KHDRBS2: variants seen among roughly 807,000 people sequenced by gnomAD.
The protein encoded by KHDRBS2 is KH RNA binding domain containing, signal transduction associated 2.
A neutral mutation model predicts 44.3 loss-of-function variants in KHDRBS2; 26 were observed. That is an observed-to-expected ratio of 0.59 (90% CI 0.43 to 0.81). The LOEUF is 0.81. Ranked by LOEUF, KHDRBS2 falls within the 40% of genes least tolerant of loss-of-function variation. KHDRBS2 has a pLI of 0.00. For synonymous variants in KHDRBS2, 194 were observed against 151.1 expected, an observed-to-expected ratio of 1.28 and a Z score of -2.08; for missense variants, 476 against 433.1, an observed-to-expected ratio of 1.10 and a Z score of -0.88.
chr6:62,091,975 G>A (rs1219518496), intron 2 of KHDRBS2, among the ~76,000 whole-genome samples: 3 of 152,158 alleles, frequency 2.0e-5, no homozygotes, highest in Non-Finnish European at 4.4e-5. Context: ...GAGCCTTTAA[G>A]TGGATGCACC....
intron 3 of KHDRBS2, among the ~76,000 whole-genome samples, chr6:62,042,013 C>T (rs1435771666): frequency 1.3e-5 from 2 of 151,936 alleles, no homozygotes; most frequent in Admixed American, 1.3e-4. Context: ...CAAATCAAAC[C>T]TAATTAATTA....
At chr6:61,708,884 C>T (rs1274723658) in intron 7 of KHDRBS2, among the ~76,000 whole-genome samples, 4 of 151,574 alleles carry the variant, frequency 2.6e-5, no homozygotes, top group African/African-American at 9.7e-5. Flanking sequence ...CTGGGTTCCA[C>T]TTGGAATACA....
At chr6:62,133,508 T>C (rs1810820568) in intron 2 of KHDRBS2, among the ~76,000 whole-genome samples, 1 of 152,198 alleles carries the variant, frequency 6.6e-6, no homozygotes, top group East Asian at 1.9e-4. Flanking sequence ...CTCAGGTATG[T>C]ATTTATCAGC....
chr6:62,262,653 T>TG (rs1042293994), intron 1 of KHDRBS2, among the ~76,000 whole-genome samples: 7 of 151,792 alleles, frequency 4.6e-5, no homozygotes, highest in Admixed American at 3.9e-4. Context: ...TAAATTTTTT[T>TG]GGGGGGTTAG....
intron 4 of KHDRBS2, among the ~76,000 whole-genome samples, chr6:61,965,355 G>A (rs1769685494): frequency 6.6e-6 from 1 of 152,050 alleles, no homozygotes. Context: ...GACTGGGAAG[G>A]AGACCAGATA....
intron 6 of KHDRBS2, chr6:61,816,639 G>A (rs1259359542): frequency 6.7e-6 from 3 of 450,600 alleles, no homozygotes; most frequent in Non-Finnish European, 1.3e-5. Flanking sequence ...TTATCACAAT[G>A]CTATGAAACA....
At chr6:61,674,914 T>G in the KHDRBS2 span, among the ~76,000 whole-genome samples, 1 of 151,772 alleles carries the variant, frequency 6.6e-6, no homozygotes, top group Non-Finnish European at 1.5e-5. Flanking sequence ...TATTTATTGT[T>G]ATGTAATAGA....
chr6:61,835,278 G>T (rs970786193), intron 6 of KHDRBS2, among the ~76,000 whole-genome samples: 1 of 152,030 alleles, frequency 6.6e-6, no homozygotes, highest in Non-Finnish European at 1.5e-5. Context: ...TCATGCCTAC[G>T]TGGCAATTCT....
At chr6:61,560,960 G>T in the KHDRBS2 span, among the ~76,000 whole-genome samples, 7 of 152,024 alleles carry the variant, frequency 4.6e-5, no homozygotes, top group Non-Finnish European at 8.8e-5. Context: ...TCCTTCTTAG[G>T]AAAGCTTTTC....
chr6:62,089,405 C>A (rs1440325445), intron 2 of KHDRBS2, among the ~76,000 whole-genome samples: 3 of 152,124 alleles, frequency 2.0e-5, no homozygotes, highest in Non-Finnish European at 2.9e-5. Flanking sequence ...TGCGAAGACT[C>A]TGGGAAAAGT....
chr6:61,955,227 T>C (rs1481715599), intron 4 of KHDRBS2, among the ~76,000 whole-genome samples: 1 of 145,862 alleles, frequency 6.9e-6, no homozygotes, highest in Non-Finnish European at 1.5e-5. Flanking sequence ...TGTGTATATA[T>C]ACACATACGT....
chr6:61,627,273 A>G, the KHDRBS2 span, among the ~76,000 whole-genome samples: 1 of 150,870 alleles, frequency 6.6e-6, no homozygotes, highest in African/African-American at 2.4e-5. Context: ...AAAAAAAAAA[A>G]AAAAAAAAAG....
chr6:61,548,759 C>T, the KHDRBS2 span, among the ~76,000 whole-genome samples: 2 of 151,992 alleles, frequency 1.3e-5, no homozygotes, highest in African/African-American at 4.8e-5. Context: ...ACCATCACCA[C>T]AGATAAGTTC....
intron 6 of KHDRBS2, among the ~76,000 whole-genome samples, chr6:61,781,399 C>A (rs1429419601): frequency 6.6e-6 from 1 of 152,008 alleles, no homozygotes; most frequent in Non-Finnish European, 1.5e-5. Flanking sequence ...CCAGGCTAAC[C>A]CTTTTCTAGA....
At chr6:61,639,117 T>C in the KHDRBS2 span, among the ~76,000 whole-genome samples, 1 of 152,138 alleles carries the variant, frequency 6.6e-6, no homozygotes, top group African/African-American at 2.4e-5. Context: ...TTAAGTTCCC[T>C]TATGAAATGA....
chr6:61,687,729 T>C (rs2127540433), intron 8 of KHDRBS2, among the ~76,000 whole-genome samples: 1 of 152,026 alleles, frequency 6.6e-6, no homozygotes, highest in South Asian at 2.1e-4. Flanking sequence ...AATTTTATCT[T>C]CTGTGCCTAA....
intron 1 of KHDRBS2, among the ~76,000 whole-genome samples, chr6:62,269,267 T>G (rs1839695151): frequency 7.1e-6 from 1 of 141,720 alleles, no homozygotes; most frequent in South Asian, 2.3e-4. Context: ...AATTAATAAC[T>G]TCTCCTCTCT....
At chr6:61,573,422 C>G in the KHDRBS2 span, among the ~76,000 whole-genome samples, 10 of 152,116 alleles carry the variant, frequency 6.6e-5, no homozygotes, top group East Asian at 1.5e-3. Flanking sequence ...CACTGCAATA[C>G]CATCAAAGTA....
At chr6:62,016,767 T>C (rs1226189315) in intron 3 of KHDRBS2, among the ~76,000 whole-genome samples, 2 of 151,852 alleles carry the variant, frequency 1.3e-5, no homozygotes, top group African/African-American at 4.8e-5. Flanking sequence ...CACTGAGCAA[T>C]CCAAAGAGAT....
Sources: gnomAD v4.1 joint callset for allele counts (sites outside exome capture counted in the v4.1 genomes callset) on GRCh38, gnomAD v4.1.1 for gene constraint, MANE v1.5 for transcripts, NCBI Gene and HGNC (gene_info 2026-07-23, HGNC 2026-07-21) for gene names.